Variants in EPS15 observed in about 807,000 individuals in gnomAD.
EPS15 encodes the protein epidermal growth factor receptor substrate 15.
EPS15 carries 72 observed loss-of-function variants against 113.8 expected under a neutral mutation model. That is an observed-to-expected ratio of 0.63 (90% confidence interval 0.52 to 0.77). The LOEUF (loss-of-function observed/expected upper bound fraction) is 0.77. Among genes scored for constraint, EPS15 ranks in the 30% least tolerant of loss-of-function variants. The pLI is 0.00. For synonymous variants in EPS15, 344 were observed against 363.4 expected (o/e 0.95, Z 0.61); for missense variants, 1,048 against 1,045.8 (o/e 1.00, Z -0.03).
At chr1:51,410,315 C>T (rs1414337315) in intron 13 of EPS15, among the ~76,000 whole-genome samples, 1 of 150,630 alleles carries the variant, frequency 6.6e-6, no homozygotes, top group Non-Finnish European at 1.5e-5. Flanking sequence ...CTCTTGAGCC[C>T]AGGAGGTCAA....
At chr1:51,404,005 C>G (rs763377224) in intron 16 of EPS15, among the ~76,000 whole-genome samples, 6 of 152,190 alleles carry the variant, frequency 3.9e-5, no homozygotes, top group Non-Finnish European at 8.8e-5. Flanking sequence ...CCTTCAATGG[C>G]TTCCCATTGT....
chr1:51,395,539 C>T (rs566887616), intron 20 of EPS15, among the ~76,000 whole-genome samples: 70 of 152,108 alleles, frequency 4.6e-4, no homozygotes, highest in Non-Finnish European at 8.1e-4. Flanking sequence ...CACACACACA[C>T]ATATACACAA....
intron 12 of EPS15, among the ~76,000 whole-genome samples, chr1:51,436,100 C>G (rs533543707): frequency 6.6e-6 from 1 of 152,304 alleles, no homozygotes; most frequent in South Asian, 2.1e-4. Flanking sequence ...AAAGAGCAAA[C>G]ACACTGTATC....
At chr1:51,491,210 C>T (rs947405713) in intron 1 of EPS15, among the ~76,000 whole-genome samples, 2 of 152,180 alleles carry the variant, frequency 1.3e-5, no homozygotes, top group Admixed American at 1.3e-4. Context: ...CTGTAATTTG[C>T]CATAAAATTA....
At chr1:51,487,611 A>G (rs1417000820) in intron 1 of EPS15, among the ~76,000 whole-genome samples, 1 of 152,210 alleles carries the variant, frequency 6.6e-6, no homozygotes, top group Non-Finnish European at 1.5e-5. Flanking sequence ...ATAAAAAGTT[A>G]ATTTTAATTG....
At position 51,472,008 on chromosome 1, in the gene EPS15, A is replaced by C. The variant is rs894072448; in HGVS notation, c.166-271T>G. 2.1e-5 allele frequency among the ~76,000 whole-genome samples: 3 copies of C among 145,236 alleles called. No individual in the cohort carries two copies. In the Admixed American group the frequency reaches 2.1e-4, roughly 10 times the overall value. ...AAGAAATTATGAGGGTTCTTTTATG[A>C]TTTTTTTTTTTTTTGATCATCAGCT... On this transcript the variant is annotated intron_variant, in intron 3 of 24. Coordinates refer to ENST00000371733, the MANE Select transcript of EPS15 (RefSeq NM_001981.3).
At chr1:51,407,435 G>C (rs146210004) in intron 15 of EPS15, among the ~76,000 whole-genome samples, 2 of 152,244 alleles carry the variant, frequency 1.3e-5, no homozygotes, top group African/African-American at 4.8e-5. Context: ...CCGGCCTCAA[G>C]TGATCCATTG....
chr1:51,379,207 C>G (rs1211847597), intron 21 of EPS15, among the ~76,000 whole-genome samples: 2 of 152,156 alleles, frequency 1.3e-5, no homozygotes, highest in Non-Finnish European at 2.9e-5. Context: ...GCAACCTCTG[C>G]CTCCCGGGTT....
intron 24 of EPS15, among the ~76,000 whole-genome samples, chr1:51,360,280 C>T (rs1457368849): frequency 6.6e-6 from 1 of 152,020 alleles, no homozygotes; most frequent in African/African-American, 2.4e-5. Flanking sequence ...ATAGAACAGG[C>T]AATGATAACG....
chr1:51,496,112 C>T (rs2148544165), intron 1 of EPS15, among the ~76,000 whole-genome samples: 1 of 152,288 alleles, frequency 6.6e-6, no homozygotes, highest in Non-Finnish European at 1.5e-5. Flanking sequence ...AAGTACTAGT[C>T]TAGGCACTTA....
At chr1:51,452,713 A>G (rs1467333951) in intron 8 of EPS15, among the ~76,000 whole-genome samples, 1 of 152,198 alleles carries the variant, frequency 6.6e-6, no homozygotes, top group Non-Finnish European at 1.5e-5. Context: ...CTGGCTACAA[A>G]GCTCTTGTTT....
intron 12 of EPS15, among the ~76,000 whole-genome samples, chr1:51,436,159 T>C (rs1465164663): frequency 1.3e-5 from 2 of 152,126 alleles, no homozygotes; most frequent in Admixed American, 6.5e-5. Context: ...CTGTGAGAGG[T>C]GGCTAAGACA....
chr1:51,442,903 G>A (rs1652707039), intron 11 of EPS15, among the ~76,000 whole-genome samples: 1 of 151,854 alleles, frequency 6.6e-6, no homozygotes, highest in Admixed American at 6.6e-5. Context: ...GTCCAAACTA[G>A]AAAAAACACA....
At chr1:51,476,659 C>T (rs1643910804) in intron 2 of EPS15, among the ~76,000 whole-genome samples, 1 of 152,068 alleles carries the variant, frequency 6.6e-6, no homozygotes, top group Non-Finnish European at 1.5e-5. Flanking sequence ...CTCCTGGATT[C>T]ATTGATTTTT....
chr1:51,504,892 G>A (rs753616907), intron 1 of EPS15, among the ~76,000 whole-genome samples: 8 of 152,276 alleles, frequency 5.3e-5, no homozygotes, highest in Non-Finnish European at 8.8e-5. Context: ...CGGCCGAAGC[G>A]GGTGGATCAC....
Position 51,453,576 on chromosome 1 carries a change from G to A in EPS15, c.562-5441C>T, listed in dbSNP as rs147440637. ...CTAGTTGTCAAACTGAAACATACTA[G>A]CAAGTGCATTTACACAGAAAGAGAC... is the stretch of plus-strand genomic sequence containing the variant. On this transcript the variant is annotated intron_variant, in intron 8 of 24. Coordinates refer to ENST00000371733, the MANE Select transcript of EPS15 (RefSeq NM_001981.3). Among the ~76,000 whole-genome samples, 10 of 152,156 alleles carry A rather than the reference G, an allele frequency of 6.6e-5. No homozygotes were observed. In the East Asian group the frequency reaches 7.7e-4, roughly 12 times the overall value.
intron 21 of EPS15, among the ~76,000 whole-genome samples, chr1:51,379,142 T>A (rs746246258): frequency 1.3e-5 from 2 of 152,148 alleles, no homozygotes; most frequent in African/African-American, 2.4e-5. Flanking sequence ...TCTTTTTGGA[T>A]GGAGTCTCGT....
intron 21 of EPS15, among the ~76,000 whole-genome samples, chr1:51,383,449 G>T (rs773504134): frequency 7.2e-5 from 11 of 152,154 alleles, no homozygotes; most frequent in Non-Finnish European, 1.3e-4. Context: ...TGGGATGAGG[G>T]GAATGATTTC....
At chr1:51,431,258 G>C (rs1651711519) in intron 12 of EPS15, among the ~76,000 whole-genome samples, 1 of 151,944 alleles carries the variant, frequency 6.6e-6, no homozygotes, top group Non-Finnish European at 1.5e-5. Flanking sequence ...CTGAGAGACT[G>C]GCTGTTTTTA....
Sources: allele counts gnomAD v4.1 joint callset (sites outside exome capture counted in the v4.1 genomes callset), GRCh38; gene constraint gnomAD v4.1.1; transcripts MANE v1.5; gene names NCBI Gene and HGNC (gene_info 2026-07-23, HGNC 2026-07-21).